Variants in FAAH2 observed in about 807,000 individuals in gnomAD.
FAAH2 encodes the protein fatty acid amide hydrolase 2, also known as fatty-acid amide hydrolase 2.
FAAH2 carries 60 observed loss-of-function variants against 36.9 expected under a neutral mutation model. The ratio of observed to expected loss-of-function variants is 1.63; its 90% CI spans 1.32 to 2.02. The LOEUF is 2.02. Among genes scored for constraint, FAAH2 ranks in the 30% most tolerant of loss-of-function variants. FAAH2 has a pLI of 0.00. For missense variants in FAAH2, 689 were observed against 397.5 expected (o/e 1.73, Z -6.23); for synonymous variants, 214 against 143.8 (o/e 1.49, Z -3.49).
At chrX:57,236,913 C>CA in the FAAH2 span, among the ~76,000 whole-genome samples, 2 of 109,434 alleles carry the variant, frequency 1.8e-5, no homozygotes, top group East Asian at 2.9e-4. Context: ...CATGTACCAC[C>CA]AAAAAAAATT....
the FAAH2 span, among the ~76,000 whole-genome samples, chrX:57,139,744 A>G: frequency 2.6e-4 from 29 of 111,619 alleles, no homozygotes; most frequent in Admixed American, 2.5e-3. Context: ...GTGAGCCACC[A>G]CGCCTGTCCC....
chrX:57,230,898 C>T, the FAAH2 span, among the ~76,000 whole-genome samples: 1 of 111,427 alleles, frequency 9.0e-6, no homozygotes, highest in Non-Finnish European at 1.9e-5. Flanking sequence ...CTGATTTTCT[C>T]TCCTAGTTCT....
At chrX:57,420,218 A>C (rs757827726) in intron 7 of FAAH2, among the ~76,000 whole-genome samples, 2 of 96,258 alleles carry the variant, frequency 2.1e-5, no homozygotes, top group South Asian at 9.6e-4. Flanking sequence ...TTTTGGTTCC[A>C]TATGAACTTT....
chrX:57,439,934 G>C (rs1236512574), intron 8 of FAAH2, among the ~76,000 whole-genome samples: 3 of 111,360 alleles, frequency 2.7e-5, no homozygotes, highest in Admixed American at 9.6e-5. Context: ...TTATTTCTGA[G>C]GGTTCTGTTC....
chrX:57,318,139 A>G (rs1185912559), intron 3 of FAAH2, among the ~76,000 whole-genome samples: 3 of 111,755 alleles, frequency 2.7e-5, no homozygotes, highest in Non-Finnish European at 3.8e-5. Flanking sequence ...AAAAGCTAGC[A>G]GAAGACATGA....
chrX:57,396,619 G>A (rs2055305932), intron 7 of FAAH2, among the ~76,000 whole-genome samples: 1 of 111,232 alleles, frequency 9.0e-6, no homozygotes, highest in African/African-American at 3.3e-5. Context: ...AAGTTATTTA[G>A]TTCCCATGTA....
the FAAH2 span, among the ~76,000 whole-genome samples, chrX:57,160,361 A>G: frequency 1.8e-5 from 2 of 111,735 alleles, no homozygotes; most frequent in African/African-American, 6.5e-5. Context: ...TCATAAAATG[A>G]GTTAGGGAGG....
chrX:57,422,000 C>A (rs2056045120), intron 7 of FAAH2, among the ~76,000 whole-genome samples: 1 of 111,701 alleles, frequency 9.0e-6, no homozygotes, highest in Admixed American at 9.5e-5. Flanking sequence ...AAGAGTCCTG[C>A]TCCTGAGGTA....
chrX:57,221,081 G>A, the FAAH2 span, among the ~76,000 whole-genome samples: 1 of 111,113 alleles, frequency 9.0e-6, no homozygotes, highest in Non-Finnish European at 1.9e-5. Context: ...TCTGTTGTAG[G>A]AATTAATGGA....
chrX:57,175,048 C>A, the FAAH2 span, among the ~76,000 whole-genome samples: 1 of 111,374 alleles, frequency 9.0e-6, no homozygotes, highest in South Asian at 3.7e-4. Context: ...GTATTTTCTG[C>A]AGTTCTTGGG....
At chrX:57,430,630 A>T (rs1569339843) in intron 7 of FAAH2, among the ~76,000 whole-genome samples, 2 of 112,085 alleles carry the variant, frequency 1.8e-5, no homozygotes, top group Non-Finnish European at 3.8e-5. Context: ...ATTAACTAAC[A>T]ATGTCATAGG....
intron 5 of FAAH2, among the ~76,000 whole-genome samples, chrX:57,351,781 A>G (rs1022367818): frequency 9.3e-6 from 1 of 107,311 alleles, no homozygotes; most frequent in Non-Finnish European, 1.9e-5. Flanking sequence ...AGGAAGAAAT[A>G]GAAAATCTGA....
At chrX:57,144,972 TGATG>T in the FAAH2 span, among the ~76,000 whole-genome samples, 7 of 111,270 alleles carry the variant, frequency 6.3e-5, no homozygotes, top group South Asian at 2.7e-3. Context: ...ACTCATTGAT[TGATG>T]AACATTTGGG....
In FAAH2 at chrX:57,380,922, G is replaced by T. The variant is rs2054828567; in HGVS notation, c.889G>T (p.Asp297Tyr). The part of the protein sequence containing the change: ...AGPGIKRLKL[D>Y]TKVHLKDLKF... ...TTTAATCCTACACAGGTTAAAACTA[G>T]ACACAAAGGTACATTTAAAAGACTT... is the stretch of plus-strand genomic sequence containing the variant. The change falls in exon 7 of 11, where the codon GAC becomes TAC. Residue 297 changes from aspartate (D) to tyrosine (Y), a missense_variant. Coordinates refer to ENST00000374900, the MANE Select transcript of FAAH2 (RefSeq NM_174912.4). 1 of 1,172,523 alleles carries T rather than the reference G, an allele frequency of 8.5e-7. No individual in the cohort carries two copies. Among genetic ancestry groups the T allele is most frequent in the South Asian group, 2.0e-5 (1 of 50,782 alleles).
the FAAH2 span, among the ~76,000 whole-genome samples, chrX:57,167,587 C>A: frequency 9.0e-6 from 1 of 110,859 alleles, no homozygotes; most frequent in Non-Finnish European, 1.9e-5. Flanking sequence ...GTCTTTTCAG[C>A]AGAGAAAGGT....
chrX:57,200,517 T>C, the FAAH2 span, among the ~76,000 whole-genome samples: 2 of 110,143 alleles, frequency 1.8e-5, no homozygotes, highest in Non-Finnish European at 3.8e-5. Context: ...TAGCTGGAAT[T>C]ACAGGCATGT....
chrX:57,121,800 C>T, the FAAH2 span: 2 of 112,904 alleles, frequency 1.8e-5, no homozygotes, highest in African/African-American at 6.5e-5. Context: ...GTCTGCCTGC[C>T]CTGCTTTCCA....
At chrX:57,248,989 G>A in the FAAH2 span, among the ~76,000 whole-genome samples, 1 of 109,412 alleles carries the variant, frequency 9.1e-6, no homozygotes, top group East Asian at 2.9e-4. Context: ...AGTGTATTTT[G>A]CACTTTTATG....
At chrX:57,318,112 C>T (rs1002078521) in intron 3 of FAAH2, among the ~76,000 whole-genome samples, 1 of 110,944 alleles carries the variant, frequency 9.0e-6, no homozygotes, top group Non-Finnish European at 1.9e-5. Context: ...ACTAGAGAAG[C>T]AAGAGCAAAC....
Sources: gnomAD v4.1 joint callset for allele counts (sites outside exome capture counted in the v4.1 genomes callset) on GRCh38, gnomAD v4.1.1 for gene constraint, MANE v1.5 for transcripts, NCBI Gene and HGNC (gene_info 2026-07-23, HGNC 2026-07-21) for gene names.